ZDHHC7: variants seen among roughly 807,000 people sequenced by gnomAD.
ZDHHC7 encodes zDHHC palmitoyltransferase 7, also known as palmitoyltransferase ZDHHC7.
A neutral mutation model predicts 34.1 loss-of-function variants in ZDHHC7; 12 were observed. The ratio of observed to expected loss-of-function variants is 0.35; its 90% CI spans 0.23 to 0.57. The LOEUF (loss-of-function observed/expected upper bound fraction) is 0.57. ZDHHC7 is among the 20% of genes least tolerant of loss of function. The pLI, the probability that ZDHHC7 is intolerant of heterozygous loss-of-function variation, is 0.84. For missense variants in ZDHHC7, 388 were observed against 402.7 expected (o/e 0.96, Z 0.31); for synonymous variants, 185 against 155.4 (o/e 1.19, Z -1.42).
chr16:85,021,402 C>G, the ZDHHC7 span, among the ~76,000 whole-genome samples: 2 of 103,872 alleles, frequency 1.9e-5, no homozygotes, highest in South Asian at 3.5e-4. Context: ...CAGAGCGAGA[C>G]TCCATCCAAA....
upstream of ZDHHC7, among the ~76,000 whole-genome samples, chr16:85,014,076 A>G (rs2072824503): frequency 6.6e-6 from 1 of 152,212 alleles, no homozygotes; most frequent in Admixed American, 6.5e-5. Flanking sequence ...TACACACCCA[A>G]TAATCTTTGC....
At chr16:85,027,606 G>C in the ZDHHC7 span, 1 of 152,230 alleles carries the variant, frequency 6.6e-6, no homozygotes, top group South Asian at 2.1e-4. Context: ...CGCTCCCACC[G>C]AGCGTGGGCA....
At chr16:85,020,659 G>T in the ZDHHC7 span, among the ~76,000 whole-genome samples, 1 of 152,180 alleles carries the variant, frequency 6.6e-6, no homozygotes, top group Non-Finnish European at 1.5e-5. Context: ...GCGAGGGTCA[G>T]TGTGTGGAGG....
chr16:84,997,410 A>G (rs1031296505), intron 1 of ZDHHC7, among the ~76,000 whole-genome samples: 1 of 149,964 alleles, frequency 6.7e-6, no homozygotes, highest in Non-Finnish European at 1.5e-5. Context: ...CTGGGACTAC[A>G]GGCGCCCACC....
upstream of ZDHHC7, among the ~76,000 whole-genome samples, chr16:85,012,285 C>T (rs1223912955): frequency 6.6e-6 from 1 of 150,492 alleles, no homozygotes; most frequent in African/African-American, 2.5e-5. Context: ...ACTCGAGAGG[C>T]TGAGGCAGGA....
the ZDHHC7 span, among the ~76,000 whole-genome samples, chr16:85,020,357 A>G: frequency 6.6e-6 from 1 of 152,230 alleles, no homozygotes; most frequent in Non-Finnish European, 1.5e-5. Flanking sequence ...CACATGAGTG[A>G]GCAAAGCTAG....
the ZDHHC7 span, among the ~76,000 whole-genome samples, chr16:85,024,933 A>C: frequency 6.6e-6 from 1 of 152,194 alleles, no homozygotes; most frequent in African/African-American, 2.4e-5. Flanking sequence ...GGGGGCTGCT[A>C]AGCTGAGACA....
the ZDHHC7 span, among the ~76,000 whole-genome samples, chr16:85,018,030 G>C: frequency 6.6e-6 from 1 of 152,068 alleles, no homozygotes; most frequent in African/African-American, 2.4e-5. Flanking sequence ...GTGTGTTTAG[G>C]ATATTAATGA....
chr16:85,014,037 T>C (rs2072824272), upstream of ZDHHC7, among the ~76,000 whole-genome samples: 3 of 152,156 alleles, frequency 2.0e-5, no homozygotes, highest in South Asian at 2.1e-4. Context: ...AAAGGGTAGA[T>C]AGAGATAAGG....
chr16:84,978,141 G>T (rs911338595), intron 5 of ZDHHC7, 136 bp from the exon 6 acceptor site: 5 of 587,212 alleles, frequency 8.5e-6, no homozygotes, highest in Non-Finnish European at 6.0e-6. Flanking sequence ...AGACTCAAGC[G>T]ATTCTCCTGC....
chr16:84,978,021 G>A lies in ZDHHC7; in HGVS notation c.538-16C>T, dbSNP rs2072320641. The stretch of plus-strand genomic sequence containing the variant: ...CTATATACATCTAGAATGAGGGGGA[G>A]ATTGGTTAGTCACTTTTATTTTTTA... On this transcript the variant is annotated splice_polypyrimidine_tract_variant and intron_variant, in intron 5 of 7. Coordinates refer to ENST00000313732, the MANE Select transcript of ZDHHC7 (RefSeq NM_017740.3). 6.3e-7 allele frequency: 1 copy of A among 1,579,514 alleles called. No homozygotes were observed. The highest frequency in any genetic ancestry group is 8.7e-7 in the Non-Finnish European group (1 of 1,154,514).
At chr16:84,982,147 C>T (rs1281175861) in intron 3 of ZDHHC7, 153 bp from the exon 4 acceptor site, 2 of 888,160 alleles carry the variant, frequency 2.3e-6, no homozygotes, top group East Asian at 6.1e-5. Flanking sequence ...CTGGCCAACC[C>T]AGCCTGGTCA....
chr16:85,008,179 T>C (rs1175961439), intron 1 of ZDHHC7, among the ~76,000 whole-genome samples: 1 of 152,076 alleles, frequency 6.6e-6, no homozygotes, highest in Non-Finnish European at 1.5e-5. Context: ...CTGCCCTTTG[T>C]CCTCAGCTAA....
intron 1 of ZDHHC7, among the ~76,000 whole-genome samples, chr16:84,996,513 G>GC (rs1425630343): frequency 5.9e-5 from 9 of 152,094 alleles, no homozygotes; most frequent in African/African-American, 2.2e-4. Flanking sequence ...CTCCTGGCAC[G>GC]CATCTCCCAC....
At chr16:85,001,116 A>C (rs1483902314) in intron 1 of ZDHHC7, among the ~76,000 whole-genome samples, 1 of 152,020 alleles carries the variant, frequency 6.6e-6, no homozygotes, top group Non-Finnish European at 1.5e-5. Context: ...GAAACCTGGA[A>C]CTCTAGACTT....
rs576045752 is a variant in ZDHHC7, at chr16:84,980,666, T to TC, written c.440+1203dup. Among the ~76,000 whole-genome samples, 473 of 151,928 alleles carry TC rather than the reference T, an allele frequency of 3.1e-3. 2 individuals are homozygous for TC. The highest frequency in any genetic ancestry group is 0.011 in the African/African-American group (449 of 41,438). On this transcript the variant is annotated intron_variant, in intron 4 of 7. Transcript: ENST00000313732. ...GCCTGGGCGACAGAGCAAGACTCCATCCCCCCATCCCCAAAAAATTTATAT... is the reference window on the plus strand; with the variant it reads ...GCCTGGGCGACAGAGCAAGACTCCATCCCCCCCATCCCCAAAAAATTTATAT...
intron 1 of ZDHHC7, among the ~76,000 whole-genome samples, chr16:85,003,336 C>T (rs1030970393): frequency 2.6e-5 from 4 of 152,166 alleles, no homozygotes; most frequent in South Asian, 2.1e-4. Context: ...GCCACCAGCC[C>T]GGATGAGTCA....
At position 84,998,290 on chromosome 16, in the gene ZDHHC7, G is replaced by C. The variant is rs577305358; in HGVS notation, c.-103-2283C>G. 9.9e-5 allele frequency among the ~76,000 whole-genome samples: 15 copies of C among 152,000 alleles called. No homozygotes were observed. In the East Asian group the frequency reaches 2.3e-3, roughly 24 times the overall value. The stretch of plus-strand genomic sequence containing the variant: ...AAAAAAAAAAAAAATTAGAAGATCG[G>C]GTCAGGAGGTCCACCTTCCAAACAA... On this transcript the variant is annotated intron_variant, in intron 1 of 7. Coordinates refer to ENST00000313732, the MANE Select transcript of ZDHHC7 (RefSeq NM_017740.3).
At chr16:85,027,202 C>G in the ZDHHC7 span, among the ~76,000 whole-genome samples, 3 of 152,112 alleles carry the variant, frequency 2.0e-5, no homozygotes, top group Non-Finnish European at 4.4e-5. Context: ...CTCTTCCATA[C>G]CAAGTATCCA....
Sources: gnomAD v4.1 joint callset for allele counts (sites outside exome capture counted in the v4.1 genomes callset) on GRCh38, gnomAD v4.1.1 for gene constraint, MANE v1.5 for transcripts, NCBI Gene and HGNC (gene_info 2026-07-23, HGNC 2026-07-21) for gene names.